PDCD11: variants seen among roughly 807,000 people sequenced by gnomAD.
PDCD11 encodes the protein protein RRP5 homolog.
In PDCD11, 97 loss-of-function variants were observed where a neutral mutation model predicts 198.9. The observed-to-expected ratio is 0.49, with a 90% CI of 0.41 to 0.58. The LOEUF (loss-of-function observed/expected upper bound fraction) is 0.58, where lower values mean the gene tolerates loss of function less well. PDCD11 is among the 20% of genes least tolerant of loss of function. PDCD11 has a pLI of 0.00. For missense variants in PDCD11, 2,102 were observed against 2,312.7 expected, an observed-to-expected ratio of 0.91 and a Z score of 1.87; for synonymous variants, 893 against 918.0, an observed-to-expected ratio of 0.97 and a Z score of 0.49.
At position 103,415,115 on chromosome 10, in the gene PDCD11, GAAGA is replaced by G; in HGVS notation, c.1484_1487del (p.Lys495SerfsTer22). The G allele has an allele frequency of 6.2e-7, 1 of 1,614,134 alleles. No homozygotes were observed. The highest frequency in any genetic ancestry group is 8.5e-7 in the Non-Finnish European group (1 of 1,180,022). ...CTGACATCCTGATGAAGAATCCGGA[GAAGA>G]AGTACCACATCGGGGATGAGGTCAA... On this transcript the variant is annotated frameshift_variant, in exon 12 of 36. Transcript: ENST00000369797. LOFTEE classifies it high-confidence loss of function.
intron 33 of PDCD11, 83 bp from the exon 34 acceptor site, chr10:103,443,832 C>A: frequency 1.4e-6 from 2 of 1,415,002 alleles, no homozygotes; most frequent in Non-Finnish European, 9.8e-7. Flanking sequence ...CCAGGTCTAG[C>A]TTCTTGTGAG....
At chr10:103,431,517 G>C (rs991394218) in intron 21 of PDCD11, among the ~76,000 whole-genome samples, 6 of 152,032 alleles carry the variant, frequency 3.9e-5, no homozygotes, top group Admixed American at 3.3e-4. Context: ...ACTTGAACCT[G>C]GGGGGTGGAA....
chr10:103,410,313 G>A (rs1415055593), intron 8 of PDCD11, among the ~76,000 whole-genome samples: 1 of 151,696 alleles, frequency 6.6e-6, no homozygotes, highest in Non-Finnish European at 1.5e-5. Flanking sequence ...AGGAGCAGGT[G>A]GAGAAGAAGG....
rs1358438808 is a variant in PDCD11, at chr10:103,423,110, C to T, written c.2620C>T (p.Leu874=). 2.5e-6 allele frequency: 4 copies of T among 1,592,024 alleles called. No individual in the cohort carries two copies. In the African/African-American group the frequency reaches 4.1e-5, roughly 16 times the overall value. The change falls in exon 18 of 36, where the codon CTG becomes TTG. Residue 874 remains leucine, a synonymous_variant. Transcript: ENST00000369797. The part of the protein sequence containing the change: ...FSGGPVPDLV[L]KASRYHRAGQ... ...TGGGGGTCCAGTGCCCGACCTGGTC[C>T]TGAAAGCCAGCAGATACCATCGCGC...
At chr10:103,438,646 G>A in intron 26 of PDCD11, 40 bp from the exon 27 acceptor site, 1 of 1,613,156 alleles carries the variant, frequency 6.2e-7, no homozygotes, top group African/African-American at 1.3e-5. Context: ...ATGGGACAGT[G>A]GAGGTTAAAG....
chr10:103,412,630 CT>C (rs960061868), intron 8 of PDCD11, among the ~76,000 whole-genome samples: 1 of 152,040 alleles, frequency 6.6e-6, no homozygotes, highest in African/African-American at 2.4e-5. Flanking sequence ...TCCAGCCTAA[CT>C]TTTTTTTATT....
Position 103,419,492 on chromosome 10 carries a change from AT to A in PDCD11, c.2107-43del, listed in dbSNP as rs746823260. ...GAGAAAGGAGATGGGAGAGATGGACATTTCATCTGCCCTTTCTGGAACATTC... is the reference window on the plus strand; with the variant it reads ...GAGAAAGGAGATGGGAGAGATGGACATTCATCTGCCCTTTCTGGAACATTC... On this transcript the variant is annotated intron_variant, in intron 15 of 35. Transcript: ENST00000369797. The A allele has an allele frequency of 1.2e-4, 184 of 1,582,002 alleles. 3 individuals are homozygous for A. The Middle Eastern group carries it at 1.4e-3, about 12-fold the overall frequency.
At chr10:103,420,180 G>A (rs2031346482) in intron 16 of PDCD11, among the ~76,000 whole-genome samples, 1 of 152,030 alleles carries the variant, frequency 6.6e-6, no homozygotes, top group Non-Finnish European at 1.5e-5. Flanking sequence ...AGGGGTGAGT[G>A]CAGCTGAGCT....
At chr10:103,421,916 G>A (rs1262022643) in intron 17 of PDCD11, among the ~76,000 whole-genome samples, 3 of 145,290 alleles carry the variant, frequency 2.1e-5, no homozygotes, top group African/African-American at 7.7e-5. Flanking sequence ...GCAGTGAGCC[G>A]AGATTGCGTC....
intron 25 of PDCD11, among the ~76,000 whole-genome samples, chr10:103,435,957 C>T (rs2032135806): frequency 6.6e-6 from 1 of 152,054 alleles, no homozygotes; most frequent in African/African-American, 2.4e-5. Context: ...TTTCTCACAC[C>T]ACTATTGGCA....
intron 17 of PDCD11, 137 bp downstream of exon 17, chr10:103,421,704 C>T (rs942811991): frequency 1.6e-6 from 1 of 620,508 alleles, no homozygotes; most frequent in African/African-American, 1.8e-5. Context: ...GTGGCTCACG[C>T]CTGTAATCCC....
At chr10:103,412,138 G>A (rs149925187) in intron 8 of PDCD11, among the ~76,000 whole-genome samples, 18 of 150,232 alleles carry the variant, frequency 1.2e-4, no homozygotes, top group African/African-American at 4.4e-4. Flanking sequence ...TCCCAAAGTG[G>A]TGCATGCCAC....
chr10:103,397,987 C>T (rs2093446182), intron 1 of PDCD11, among the ~76,000 whole-genome samples: 1 of 152,198 alleles, frequency 6.6e-6, no homozygotes, highest in African/African-American at 2.4e-5. Flanking sequence ...TTATCCCTTC[C>T]TACATTGCCT....
At chr10:103,415,620 G>C (rs1038685919) in intron 12 of PDCD11, among the ~76,000 whole-genome samples, 2 of 152,234 alleles carry the variant, frequency 1.3e-5, no homozygotes, top group African/African-American at 4.8e-5. Flanking sequence ...GGAAATTAAA[G>C]CTTCGGAAAG....
At chr10:103,409,414 A>G (rs529389520) in intron 7 of PDCD11, among the ~76,000 whole-genome samples, 3 of 152,078 alleles carry the variant, frequency 2.0e-5, no homozygotes, top group African/African-American at 7.2e-5. Context: ...CCAAGGATAC[A>G]TATACAAAGC....
rs1292527609 is a variant in PDCD11 at position 103,445,655 on chromosome 10, T to C, written c.*106T>C. On this transcript the variant is annotated 3_prime_UTR_variant, in exon 36 of 36. Transcript: ENST00000369797. The stretch of plus-strand genomic sequence containing the variant: ...TTACCTCAGGACTCTATTTAAATGC[T>C]GCTTTTTCTGCAGCACGCTTGGGGA... 8 of 851,388 alleles carry C rather than the reference T, an allele frequency of 9.4e-6. No individual in the cohort carries two copies. The highest frequency in any genetic ancestry group is 1.7e-5 in the African/African-American group (1 of 58,792). The allele number at this position is 851,388 out of a possible 1,614,324, so 52.7% of individuals were successfully genotyped here.
In PDCD11 at chr10:103,414,025, C is replaced by T. The variant is rs1035792723; in HGVS notation, c.1245C>T (p.Asn415=). ...VFNPEAFKPG[N]THKCRIIDYS... is the part of the protein sequence containing the mutation. ...ATCCTGAGGCCTTCAAGCCAGGGAA[C>T]ACTCACAAGTGTAGAATTATTGACT... The change falls in exon 10 of 36, where the codon AAC becomes AAT. Residue 415 remains asparagine, a synonymous_variant. Transcript: ENST00000369797. 6.2e-7 allele frequency: 1 copy of T among 1,613,550 alleles called. No individual in the cohort carries two copies. The highest frequency in any genetic ancestry group is 1.3e-5 in the African/African-American group (1 of 75,014).
At chr10:103,413,478 A>G (rs770805882) in intron 9 of PDCD11, among the ~76,000 whole-genome samples, 156 bp downstream of exon 9, 3 of 152,174 alleles carry the variant, frequency 2.0e-5, no homozygotes, top group Admixed American at 1.3e-4. Flanking sequence ...AACAATGTCT[A>G]TTGACTGTAT....
intron 10 of PDCD11, 63 bp from the exon 11 acceptor site, chr10:103,414,207 G>T: frequency 6.3e-7 from 1 of 1,582,196 alleles, no homozygotes; most frequent in East Asian, 2.2e-5. Flanking sequence ...GCCTGTGGTA[G>T]CCCTGAATTT....
Sources: allele counts gnomAD v4.1 joint callset (sites outside exome capture counted in the v4.1 genomes callset), GRCh38; gene constraint gnomAD v4.1.1; transcripts MANE v1.5; gene names NCBI Gene and HGNC (gene_info 2026-07-23, HGNC 2026-07-21).